KALRN: variants seen among roughly 807,000 people sequenced by gnomAD.
The protein encoded by KALRN is kalirin RhoGEF kinase.
In KALRN, 70 loss-of-function variants were observed where a neutral mutation model predicts 353.7. That is an observed-to-expected ratio of 0.20 (90% CI 0.16 to 0.24). The LOEUF (loss-of-function observed/expected upper bound fraction) is 0.24. Ranked by LOEUF, KALRN falls within the 10% of genes least tolerant of loss-of-function variation. KALRN has a pLI of 1.00. For synonymous variants in KALRN, 1,391 were observed against 1,434.8 expected (o/e 0.97, Z 0.69); for missense variants, 2,791 against 3,756.7 (o/e 0.74, Z 6.72).
chr3:124,599,067 C>T (rs993623505), intron 34 of KALRN, among the ~76,000 whole-genome samples: 13 of 152,122 alleles, frequency 8.5e-5, no homozygotes, highest in African/African-American at 4.8e-5. Flanking sequence ...ATTGGGCAGT[C>T]GGGACCCTGC....
At chr3:124,705,046 CAT>C (rs2062531823) in intron 57 of KALRN, among the ~76,000 whole-genome samples, 1 of 152,160 alleles carries the variant, frequency 6.6e-6, no homozygotes, top group African/African-American at 2.4e-5. Flanking sequence ...ACAGCACATC[CAT>C]AGAAGGAAAG....
At chr3:124,215,569 A>G (rs1005097886) in intron 1 of KALRN, among the ~76,000 whole-genome samples, 13 of 152,090 alleles carry the variant, frequency 8.5e-5, no homozygotes, top group African/African-American at 2.4e-4. Flanking sequence ...TGGTTTTTCA[A>G]TTTTCCTCCC....
chr3:124,550,795 C>G (rs2070411019), intron 33 of KALRN, among the ~76,000 whole-genome samples: 1 of 152,094 alleles, frequency 6.6e-6, no homozygotes, highest in African/African-American at 2.4e-5. Flanking sequence ...CGAGACCACC[C>G]TGGCTAACAC....
chr3:124,159,328 T>C (rs2069523538), intron 1 of KALRN, among the ~76,000 whole-genome samples: 2 of 152,208 alleles, frequency 1.3e-5, no homozygotes, highest in African/African-American at 2.4e-5. Context: ...TGGAGTGCAG[T>C]GGTGCAATCT....
Position 124,577,018 on chromosome 3 carries a change from C to T in KALRN, c.5182+13929C>T, listed in dbSNP as rs1206353367. ...TAAATAGCTCATCTGCCCCTGAGCT[C>T]AGGCCAGCTCAGGCGGCTGCTCAGT... is the stretch of plus-strand genomic sequence containing the variant. On this transcript the variant is annotated intron_variant, in intron 34 of 59. Coordinates refer to ENST00000682506, the MANE Select transcript of KALRN (RefSeq NM_001388419.1). Among the ~76,000 whole-genome samples, 4 of 152,182 alleles carry T rather than the reference C, an allele frequency of 2.6e-5. No individual in the cohort carries two copies. In the South Asian group the frequency reaches 6.2e-4, roughly 24 times the overall value.
At chr3:124,409,634 G>C (rs1300635954) in intron 13 of KALRN, among the ~76,000 whole-genome samples, 1 of 152,176 alleles carries the variant, frequency 6.6e-6, no homozygotes, top group Non-Finnish European at 1.5e-5. Flanking sequence ...CAAGAGCACA[G>C]GGTAAGCCTG....
chr3:124,511,423 G>T (rs1340569462), intron 33 of KALRN, among the ~76,000 whole-genome samples: 1 of 152,174 alleles, frequency 6.6e-6, no homozygotes, highest in Non-Finnish European at 1.5e-5. Flanking sequence ...AGCTTTGTCT[G>T]TAGACATCGT....
intron 1 of KALRN, among the ~76,000 whole-genome samples, chr3:124,144,584 CTCTTCCTCG>C (rs1221436378): frequency 2.0e-5 from 3 of 151,688 alleles, no homozygotes; most frequent in Non-Finnish European, 4.4e-5. Flanking sequence ...CATCCTCCTC[CTCTTCCTCG>C]TCTTCCTTCT....
At chr3:124,661,217 C>T (rs1029111409) in intron 44 of KALRN, among the ~76,000 whole-genome samples, 1 of 152,166 alleles carries the variant, frequency 6.6e-6, no homozygotes, top group Non-Finnish European at 1.5e-5. Flanking sequence ...GTTCTTTTGG[C>T]TCCTGGTGAC....
intron 2 of KALRN, among the ~76,000 whole-genome samples, chr3:124,231,485 C>A (rs1023532471): frequency 2.0e-5 from 3 of 152,184 alleles, no homozygotes; most frequent in South Asian, 2.1e-4. Flanking sequence ...TCCCAGGGAA[C>A]CTTATGTTGC....
At chr3:124,210,046 G>C (rs2076772403) in intron 1 of KALRN, among the ~76,000 whole-genome samples, 6 of 152,176 alleles carry the variant, frequency 3.9e-5, no homozygotes, top group Admixed American at 3.9e-4. Context: ...AGAGTTGTAG[G>C]TTCAAATCTT....
Position 124,438,924 on chromosome 3 carries a change from C to A in KALRN, c.3085C>A (p.Arg1029=), listed in dbSNP as rs765238695. 1 of 1,613,902 alleles carries A rather than the reference C, an allele frequency of 6.2e-7. No homozygotes were observed. The highest frequency in any genetic ancestry group is 1.3e-5 in the African/African-American group (1 of 74,978). ...SVLESLEQEY[R]RDEDWCGGRD... ...CCTGGAGAGCTTAGAGCAAGAATAC[C>A]GGAGAGATGAGGACTGGTGTGGTGG... is the stretch of plus-strand genomic sequence containing the variant. The change falls in exon 18 of 60, where the codon CGG becomes AGG. Residue 1029 remains arginine, a synonymous_variant. Coordinates refer to ENST00000682506, the MANE Select transcript of KALRN (RefSeq NM_001388419.1).
chr3:124,264,006 G>A (rs2073206156), intron 3 of KALRN, among the ~76,000 whole-genome samples: 1 of 151,426 alleles, frequency 6.6e-6, no homozygotes, highest in Non-Finnish European at 1.5e-5. Flanking sequence ...ACTACAGGTT[G>A]GGTAGCTCCT....
intron 33 of KALRN, among the ~76,000 whole-genome samples, chr3:124,562,523 T>C (rs1302349385): frequency 1.3e-5 from 2 of 152,158 alleles, no homozygotes; most frequent in Non-Finnish European, 2.9e-5. Context: ...TAATGAGCTC[T>C]AACGAAGTAA....
At position 124,650,899 on chromosome 3, in the gene KALRN, C is replaced by T. The variant is rs909288140; in HGVS notation, c.5756C>T (p.Pro1919Leu). The T allele has an allele frequency of 6.2e-6, 10 of 1,614,062 alleles. No homozygotes were observed. The highest frequency in any genetic ancestry group is 7.6e-6 in the Non-Finnish European group (9 of 1,180,036). ...GMAPPTPPKN[P>L]EEEQKAKALR... ...GCCCCACCCACACCTCCTAAAAACCCAGAAGAAGAACAGAAAGCCAAGGCC... is the reference window on the plus strand; with the variant it reads ...GCCCCACCCACACCTCCTAAAAACCTAGAAGAAGAACAGAAAGCCAAGGCC... The change falls in exon 38 of 60, where the codon CCA becomes CTA. Residue 1919 changes from proline (P) to leucine (L), a missense_variant. Transcript: ENST00000682506.
In KALRN at chr3:124,039,893, G is replaced by T. The variant is rs1313712329; in HGVS notation, c.73+6080G>T. Among the ~76,000 whole-genome samples, 3 of 152,152 alleles carry T rather than the reference G, an allele frequency of 2.0e-5. No individual in the cohort carries two copies. In the East Asian group the frequency reaches 5.8e-4, roughly 29 times the overall value. ...TCACCCATTATGAACTGGGCTTTTG[G>T]TCACATCATTTTTCAGGAGCCTTTG... On this transcript the variant is annotated intron_variant, in intron 1 of 59. Transcript: ENST00000682506.
At chr3:124,673,230 TA>T (rs11318691) in intron 48 of KALRN, among the ~76,000 whole-genome samples, 13,280 of 148,154 alleles carry the variant, frequency 0.09, 933 homozygotes, top group East Asian at 0.31. Context: ...AATAAAACTT[TA>T]AAAAAAAAAA....
chr3:124,201,686 G>A (rs973397031), intron 1 of KALRN, among the ~76,000 whole-genome samples: 7 of 152,238 alleles, frequency 4.6e-5, no homozygotes, highest in Non-Finnish European at 7.3e-5. Flanking sequence ...AGGCAGATGT[G>A]TAGACCTCCC....
intron 1 of KALRN, among the ~76,000 whole-genome samples, chr3:124,037,661 G>A (rs1256183646): frequency 6.6e-6 from 1 of 152,078 alleles, no homozygotes; most frequent in Non-Finnish European, 1.5e-5. Flanking sequence ...AGGGGGAGGA[G>A]CTTTGGTCTG....
Sources: allele counts gnomAD v4.1 joint callset (sites outside exome capture counted in the v4.1 genomes callset), GRCh38; gene constraint gnomAD v4.1.1; transcripts MANE v1.5; gene names NCBI Gene and HGNC (gene_info 2026-07-23, HGNC 2026-07-21).